Variants in IQCM observed in about 807,000 individuals in gnomAD.
IQCM encodes IQ domain-containing protein M.
In IQCM, 45 loss-of-function variants were observed where a neutral mutation model predicts 57.6. The observed-to-expected ratio is 0.78, with a 90% CI of 0.62 to 1.00. IQCM has a LOEUF of 1.00. Among genes scored for constraint, IQCM ranks in the 50% least tolerant of loss-of-function variants. The pLI, the probability that IQCM is intolerant of heterozygous loss-of-function variation, is 0.00. For synonymous variants in IQCM, 148 were observed against 158.9 expected (o/e 0.93, Z 0.51); for missense variants, 468 against 511.6 (o/e 0.91, Z 0.82).
At chr4:149,418,327 C>T (rs941599633) in intron 13 of IQCM, among the ~76,000 whole-genome samples, 1 of 151,980 alleles carries the variant, frequency 6.6e-6, no homozygotes, top group Non-Finnish European at 1.5e-5. Context: ...TACAAATAAG[C>T]TAGAAAATCT....
At chr4:149,457,812 T>C (rs1445911701) in intron 12 of IQCM, among the ~76,000 whole-genome samples, 1 of 152,078 alleles carries the variant, frequency 6.6e-6, no homozygotes, top group East Asian at 1.9e-4. Context: ...CGCTCCCTTT[T>C]GGTAATAAAG....
chr4:149,373,777 G>A (rs1578838695), intron 13 of IQCM, among the ~76,000 whole-genome samples: 1 of 151,586 alleles, frequency 6.6e-6, no homozygotes, highest in South Asian at 2.1e-4. Flanking sequence ...CCTCACTTCT[G>A]GCCATCTTTT....
At chr4:149,725,900 C>A (rs1334416344) in intron 5 of IQCM, among the ~76,000 whole-genome samples, 1 of 151,904 alleles carries the variant, frequency 6.6e-6, no homozygotes. Flanking sequence ...ACATGTTCCC[C>A]CTATCTTCTT....
At chr4:149,485,244 A>G (rs904180334) in intron 12 of IQCM, among the ~76,000 whole-genome samples, 3 of 151,976 alleles carry the variant, frequency 2.0e-5, no homozygotes, top group Non-Finnish European at 2.9e-5. Context: ...GAATGTTGAT[A>G]TCTTTCTCTA....
intron 8 of IQCM, among the ~76,000 whole-genome samples, chr4:149,591,458 T>C (rs114244396): frequency 0.078 from 11,892 of 152,070 alleles, 599 homozygotes; most frequent in Non-Finnish European, 0.12. Flanking sequence ...GTTAAAGGTT[T>C]TTTTTTTTAA....
At chr4:149,802,024 T>C (rs1189668858) in intron 2 of IQCM, among the ~76,000 whole-genome samples, 3 of 151,514 alleles carry the variant, frequency 2.0e-5, no homozygotes, top group Admixed American at 6.6e-5. Context: ...ATATATCTAC[T>C]ATGTAGCCAC....
intron 7 of IQCM, among the ~76,000 whole-genome samples, chr4:149,627,233 A>G (rs1232498469): frequency 1.3e-5 from 2 of 152,180 alleles, no homozygotes; most frequent in Non-Finnish European, 1.5e-5. Context: ...GTGGAATAGG[A>G]AAGTCTCCAC....
chr4:149,440,660 C>A (rs1029520771), intron 12 of IQCM, among the ~76,000 whole-genome samples: 1 of 151,986 alleles, frequency 6.6e-6, no homozygotes, highest in African/African-American at 2.4e-5. Context: ...AAAAGTAATA[C>A]CACGCTATTT....
intron 11 of IQCM, among the ~76,000 whole-genome samples, chr4:149,549,194 G>T (rs759717329): frequency 6.6e-6 from 1 of 152,130 alleles, no homozygotes; most frequent in Non-Finnish European, 1.5e-5. Context: ...TCCCATACTT[G>T]ACTTTAGAAA....
chr4:149,535,396 TA>T (rs1303568566), intron 12 of IQCM, among the ~76,000 whole-genome samples: 1 of 152,038 alleles, frequency 6.6e-6, no homozygotes, highest in African/African-American at 2.4e-5. Flanking sequence ...TCAGGGAGTT[TA>T]TATTCCTGGT....
In IQCM at chr4:149,682,154, G is replaced by A. The variant is rs2150204430; in HGVS notation, c.529C>T (p.Pro177Ser). The A allele has an allele frequency of 8.2e-7, 1 of 1,225,418 alleles. No homozygotes were observed. The highest frequency in any genetic ancestry group is 1.0e-6 in the Non-Finnish European group (1 of 982,396). 75.9% of individuals were successfully genotyped at this position (1,225,418 alleles called of 1,614,324 possible). A position where few individuals can be genotyped will look rare whatever the true frequency, so the allele number is the denominator to read the frequency against. Residue 177 changes from proline (P) to serine (S), a missense_variant, in exon 7 of 14, where the codon CCT becomes TCT. Coordinates refer to ENST00000636793, the MANE Select transcript of IQCM (RefSeq NM_001363507.2). ...YPFPVHLYLQPGTSNLELLKE... is the reference protein window; with the variant it reads ...YPFPVHLYLQSGTSNLELLKE... ...AGAAGTTCCAAGTTAGAGGTCCCAG[G>A]TTGTAAGTAAAGATGGACAGGAAAG...
chr4:149,526,789 CAT>C (rs1746204538), intron 12 of IQCM, among the ~76,000 whole-genome samples: 1 of 151,976 alleles, frequency 6.6e-6, no homozygotes, highest in Admixed American at 6.6e-5. Context: ...GTGAATGCAA[CAT>C]ATTACTATCC....
chr4:149,407,171 CA>C (rs1373108092), intron 13 of IQCM, among the ~76,000 whole-genome samples: 4 of 152,074 alleles, frequency 2.6e-5, no homozygotes, highest in Non-Finnish European at 5.9e-5. Flanking sequence ...TATCCCCCCC[CA>C]GGTCCCTCCC....
In IQCM at chr4:149,569,207, C is replaced by G. The variant is rs181975117; in HGVS notation, c.750-5317G>C. Among the ~76,000 whole-genome samples, 402 of 152,264 alleles carry G rather than the reference C, an allele frequency of 2.6e-3. 6 individuals are homozygous for G. Among genetic ancestry groups the G allele is most frequent in the African/African-American group, 9.1e-3 (380 of 41,558 alleles). On this transcript the variant is annotated intron_variant, in intron 9 of 13. Coordinates refer to ENST00000636793, the MANE Select transcript of IQCM (RefSeq NM_001363507.2). ...AATAAATAGCTGTTGTTTTAAGCCA[C>G]TAAGTTTTGTGATGCCATTGTGGCA...
chr4:149,634,120 C>T (rs1420242520), intron 7 of IQCM, among the ~76,000 whole-genome samples: 1 of 152,042 alleles, frequency 6.6e-6, no homozygotes, highest in Non-Finnish European at 1.5e-5. Context: ...AGCGATTCTC[C>T]TGCCTTAGCC....
At chr4:149,687,505 C>A (rs1762631717) in intron 5 of IQCM, among the ~76,000 whole-genome samples, 1 of 151,458 alleles carries the variant, frequency 6.6e-6, no homozygotes, top group Non-Finnish European at 1.5e-5. Flanking sequence ...TATAAGTAAT[C>A]TAGAGATGAT....
chr4:149,573,708 G>A (rs1490892447), intron 9 of IQCM, among the ~76,000 whole-genome samples: 1 of 151,188 alleles, frequency 6.6e-6, no homozygotes, highest in Admixed American at 6.6e-5. Context: ...GGCTTAGACA[G>A]GAGAATTGCT....
intron 7 of IQCM, among the ~76,000 whole-genome samples, chr4:149,676,872 A>G (rs1235173232): frequency 1.3e-5 from 2 of 152,042 alleles, no homozygotes; most frequent in African/African-American, 4.8e-5. Context: ...GCAAGCTAGC[A>G]TAACCCCCTA....
intron 13 of IQCM, among the ~76,000 whole-genome samples, chr4:149,388,066 T>C (rs80194484): frequency 0.017 from 2,515 of 152,174 alleles, 60 homozygotes; most frequent in African/African-American, 0.057. Context: ...AAATAGCATA[T>C]TGTGTTTATC....
Sources: gnomAD v4.1 joint callset for allele counts (sites outside exome capture counted in the v4.1 genomes callset) on GRCh38, gnomAD v4.1.1 for gene constraint, MANE v1.5 for transcripts, NCBI Gene and HGNC (gene_info 2026-07-23, HGNC 2026-07-21) for gene names.